Variants in PRKD1 observed in about 807,000 individuals in gnomAD.
The protein encoded by PRKD1 is protein kinase D1, also known as serine/threonine-protein kinase D1.
PRKD1 carries 63 observed loss-of-function variants against 95.9 expected under a neutral mutation model. The ratio of observed to expected loss-of-function variants is 0.66; its 90% CI spans 0.54 to 0.81. The LOEUF is 0.81. Among genes scored for constraint, PRKD1 ranks in the 30% least tolerant of loss-of-function variants. The probability of loss-of-function intolerance (pLI) is 0.00; values close to 1 mark genes in which losing one functional copy is unlikely to be tolerated. For synonymous variants in PRKD1, 425 were observed against 423.1 expected (o/e 1.00, Z -0.05); for missense variants, 1,048 against 1,165.3 (o/e 0.90, Z 1.47).
At chr14:29,728,656 A>G (rs905747791) in intron 1 of PRKD1, among the ~76,000 whole-genome samples, 2 of 152,138 alleles carry the variant, frequency 1.3e-5, no homozygotes, top group Non-Finnish European at 2.9e-5. Context: ...ATCTAGCATA[A>G]TTGTTTATCA....
At chr14:29,872,478 C>A (rs1486615515) in intron 1 of PRKD1, among the ~76,000 whole-genome samples, 2 of 151,682 alleles carry the variant, frequency 1.3e-5, no homozygotes, top group Non-Finnish European at 2.9e-5. Context: ...ACAGTGAAAC[C>A]CCATCTCTAC....
chr14:29,609,698 G>C (rs1051693146), intron 13 of PRKD1, among the ~76,000 whole-genome samples: 1 of 138,032 alleles, frequency 7.2e-6, no homozygotes, highest in Non-Finnish European at 1.5e-5. Context: ...GCACCACCAC[G>C]CCCAGCTATT....
intron 1 of PRKD1, among the ~76,000 whole-genome samples, chr14:29,899,076 G>GCAATAT (rs1894229140): frequency 6.6e-6 from 1 of 152,000 alleles, no homozygotes; most frequent in African/African-American, 2.4e-5. Context: ...ATCAAGATTA[G>GCAATAT]CATTTGCTAT....
intron 13 of PRKD1, among the ~76,000 whole-genome samples, chr14:29,604,643 C>T (rs955190297): frequency 6.6e-6 from 1 of 152,044 alleles, no homozygotes; most frequent in African/African-American, 2.4e-5. Context: ...ACCTTCTTAT[C>T]CATTTTCTAA....
At chr14:29,761,953 G>C (rs930438498) in intron 1 of PRKD1, among the ~76,000 whole-genome samples, 1 of 151,670 alleles carries the variant, frequency 6.6e-6, no homozygotes, top group East Asian at 2.0e-4. Context: ...TTTATTTTTC[G>C]TAGAGATGGG....
chr14:29,924,426 C>T (rs1208560240), intron 1 of PRKD1, among the ~76,000 whole-genome samples: 3 of 152,166 alleles, frequency 2.0e-5, no homozygotes, highest in Non-Finnish European at 4.4e-5. Context: ...CTCAGGGAAA[C>T]TTATGCAGCC....
intron 1 of PRKD1, among the ~76,000 whole-genome samples, chr14:29,738,170 T>C (rs1199860622): frequency 1.3e-5 from 2 of 152,214 alleles, no homozygotes; most frequent in Non-Finnish European, 2.9e-5. Flanking sequence ...CAGGCTTTTA[T>C]TTAGTGATTT....
chr14:29,888,426 C>A (rs186119159), intron 1 of PRKD1, among the ~76,000 whole-genome samples: 1 of 152,114 alleles, frequency 6.6e-6, no homozygotes, highest in African/African-American at 2.4e-5. Context: ...TATAGAAAGA[C>A]ATACCAACTT....
intron 2 of PRKD1, among the ~76,000 whole-genome samples, chr14:29,674,952 C>T (rs1409751587): frequency 2.7e-4 from 41 of 152,176 alleles, no homozygotes; most frequent in Non-Finnish European, 4.4e-5. Flanking sequence ...TGCTTACTTT[C>T]GATTCATGAA....
intron 4 of PRKD1, among the ~76,000 whole-genome samples, chr14:29,656,839 T>C (rs2139193031): frequency 1.3e-5 from 2 of 152,320 alleles, no homozygotes; most frequent in East Asian, 1.9e-4. Context: ...AAATAAATTA[T>C]AGTCAAAATG....
chr14:29,600,063 C>T (rs1015042938), intron 13 of PRKD1, among the ~76,000 whole-genome samples: 1 of 152,158 alleles, frequency 6.6e-6, no homozygotes, highest in Admixed American at 6.5e-5. Context: ...AGTTCTAGCA[C>T]AGTGAATTGC....
intron 1 of PRKD1, among the ~76,000 whole-genome samples, chr14:29,726,427 A>G (rs1010829743): frequency 6.6e-6 from 1 of 152,150 alleles, no homozygotes; most frequent in Non-Finnish European, 1.5e-5. Context: ...AAAGAATGCT[A>G]TTTCTGCCAT....
At chr14:29,821,950 C>T (rs1459915523) in intron 1 of PRKD1, among the ~76,000 whole-genome samples, 1 of 152,138 alleles carries the variant, frequency 6.6e-6, no homozygotes, top group East Asian at 1.9e-4. Flanking sequence ...TTATCACCCA[C>T]AGAGACCACC....
intron 1 of PRKD1, among the ~76,000 whole-genome samples, chr14:29,769,285 C>A (rs1888398696): frequency 6.6e-6 from 1 of 151,922 alleles, no homozygotes; most frequent in South Asian, 2.1e-4. Flanking sequence ...AGAATCCATG[C>A]CAGCCAGGTG....
chr14:29,725,902 T>C (rs1886117516), intron 1 of PRKD1, among the ~76,000 whole-genome samples: 2 of 151,802 alleles, frequency 1.3e-5, no homozygotes, highest in Non-Finnish European at 2.9e-5. Flanking sequence ...GGTCAAGTGG[T>C]TTTCTAATTA....
intron 10 of PRKD1, among the ~76,000 whole-genome samples, chr14:29,630,007 TCTC>T (rs1309220063): frequency 8.4e-5 from 11 of 130,192 alleles, no homozygotes; most frequent in South Asian, 8.4e-4. Context: ...TTCTTCTCCT[TCTC>T]CTTCTTCTTC....
intron 1 of PRKD1, among the ~76,000 whole-genome samples, chr14:29,726,423 T>A (rs1886145018): frequency 6.6e-6 from 1 of 152,140 alleles, no homozygotes; most frequent in South Asian, 2.1e-4. Flanking sequence ...TATTAAAGAA[T>A]GCTATTTCTG....
At chr14:29,731,427 C>T (rs1018961748) in intron 1 of PRKD1, among the ~76,000 whole-genome samples, 1 of 152,102 alleles carries the variant, frequency 6.6e-6, no homozygotes, top group Non-Finnish European at 1.5e-5. Flanking sequence ...TGTTGGGTGG[C>T]AAGTTCTATA....
chr14:29,659,801 T>A (rs1882091869), intron 4 of PRKD1, among the ~76,000 whole-genome samples: 1 of 152,226 alleles, frequency 6.6e-6, no homozygotes, highest in Non-Finnish European at 1.5e-5. Flanking sequence ...TAACGTTGTC[T>A]GTCTTCTAAC....
Sources: gnomAD v4.1 joint callset for allele counts (sites outside exome capture counted in the v4.1 genomes callset) on GRCh38, gnomAD v4.1.1 for gene constraint, MANE v1.5 for transcripts, NCBI Gene and HGNC (gene_info 2026-07-23, HGNC 2026-07-21) for gene names.